STIP1: variants seen among roughly 807,000 people sequenced by gnomAD.
STIP1 encodes the protein stress-induced-phosphoprotein 1.
Under a neutral mutation model 77.4 loss-of-function variants are expected in STIP1, and 16 were observed. The ratio of observed to expected loss-of-function variants is 0.21; its 90% CI spans 0.14 to 0.31. STIP1 has a LOEUF of 0.31. STIP1 is among the 10% of genes least tolerant of loss of function. The probability of loss-of-function intolerance (pLI) is 1.00; values close to 1 mark genes in which losing one functional copy is unlikely to be tolerated. For synonymous variants in STIP1, 258 were observed against 246.6 expected (o/e 1.05, Z -0.44); for missense variants, 524 against 684.8 (o/e 0.77, Z 2.62).
chr11:64,203,876 A>G, intron 13 of STIP1, 178 bp from the exon 14 acceptor site: 1 of 829,418 alleles, frequency 1.2e-6, no homozygotes. Flanking sequence ...TGGGCTCAAG[A>G]GTAGGACTGG....
intron 1 of STIP1, among the ~76,000 whole-genome samples, chr11:64,188,742 A>G (rs1033350716): frequency 6.6e-6 from 1 of 152,234 alleles, no homozygotes; most frequent in African/African-American, 2.4e-5. Flanking sequence ...ACAGGTAGGT[A>G]GATGGTGAAT....
rs201117725 is a variant in STIP1, at chr11:64,203,187, G to A, written c.1345G>A (p.Asp449Asn). The A allele has an allele frequency of 1.1e-5, 17 of 1,614,210 alleles. No homozygotes were observed. The highest frequency in any genetic ancestry group is 1.4e-5 in the Non-Finnish European group (16 of 1,180,044). Residue 449 changes from aspartate (D) to asparagine (N), a missense_variant, in exon 12 of 14, where the codon GAT becomes AAT. Coordinates refer to ENST00000305218, the MANE Select transcript of STIP1 (RefSeq NM_006819.3). The stretch of plus-strand genomic sequence containing the variant: ...GATGAAGGACTACACCAAAGCCATG[G>A]ATGTGTACCAGAAGGCGCTAGACCT... ...EAMKDYTKAM[D>N]VYQKALDLDS... is the part of the protein sequence containing the mutation.
upstream of STIP1, chr11:64,185,994 C>A (rs1355024858): frequency 1.3e-6 from 2 of 1,542,210 alleles, no homozygotes; most frequent in Non-Finnish European, 8.7e-7. Context: ...TAGAGGAGCG[C>A]CCAATCCTGA....
chr11:64,198,004 T>A (rs1157024440), intron 8 of STIP1, 30 bp downstream of exon 8: 1 of 1,584,860 alleles, frequency 6.3e-7, no homozygotes, highest in African/African-American at 1.4e-5. Context: ...GGGTATTTTC[T>A]TGTTTTCCTA....
At chr11:64,185,786 C>T (rs1946005514), upstream of STIP1, 1 of 1,533,728 alleles carries the variant, frequency 6.5e-7, no homozygotes, top group Non-Finnish European at 8.7e-7. Context: ...CAACCCTCCG[C>T]CCAATTGGAA....
intron 1 of STIP1, among the ~76,000 whole-genome samples, chr11:64,192,790 G>A (rs1462363478): frequency 6.6e-6 from 1 of 152,246 alleles, no homozygotes; most frequent in African/African-American, 2.4e-5. Context: ...ACATTCTGGA[G>A]TGGCTTCGTG....
intron 7 of STIP1, 57 bp from the exon 8 acceptor site, chr11:64,197,797 C>G (rs1246532168): frequency 6.3e-7 from 1 of 1,588,262 alleles, no homozygotes; most frequent in Non-Finnish European, 8.6e-7. Flanking sequence ...TGTTTTTCTG[C>G]AGGAGCTGAC....
intron 1 of STIP1, among the ~76,000 whole-genome samples, chr11:64,188,037 CAAAAA>C (rs34070761): frequency 1.4e-5 from 1 of 72,182 alleles, no homozygotes; most frequent in Non-Finnish European, 2.7e-5. Context: ...GACTCCGTCT[CAAAAA>C]AAAAAAAAAA....
At position 64,204,408 on chromosome 11, in the gene STIP1, G is replaced by GTTT; in HGVS notation, c.*290_*292dup. 2.5e-6 allele frequency: 1 copy of GTTT among 399,830 alleles called. No individual in the cohort carries two copies. 24.8% of individuals were successfully genotyped at this position (399,830 alleles called of 1,614,324 possible). On this transcript the variant is annotated 3_prime_UTR_variant, in exon 14 of 14. Transcript: ENST00000305218. Reference sequence around the variant, plus strand: ...TGTCTCGGCTGCTCTCCCATAGTTGGTTTTTTTTTTATTTGGGGCAGTGGG... The same window carrying GTTT: ...TGTCTCGGCTGCTCTCCCATAGTTGGTTTTTTTTTTTTTATTTGGGGCAGTGGG...
intron 4 of STIP1, 47 bp downstream of exon 4, chr11:64,194,667 T>C (rs369595298): frequency 7.5e-6 from 12 of 1,600,572 alleles, no homozygotes; most frequent in African/African-American, 4.0e-5. Flanking sequence ...GGGAATGTTA[T>C]GCTTTCTTCC....
intron 8 of STIP1, among the ~76,000 whole-genome samples, chr11:64,199,300 C>T (rs1484876501): frequency 9.9e-5 from 15 of 151,202 alleles, no homozygotes; most frequent in Non-Finnish European, 2.2e-4. Flanking sequence ...GTCAGGAGAT[C>T]GAGACCATCC....
Position 64,194,511 on chromosome 11 carries a change from A to G in STIP1, c.394A>G (p.Asn132Asp), listed in dbSNP as rs1946126626. ...RKFMNPFNMPNLYQKLESDPR... is the reference protein window; with the variant it reads ...RKFMNPFNMPDLYQKLESDPR... ...ATTCATGAACCCTTTCAACATGCCT[A>G]ATCTGTATCAGAAGTTGGAGAGTGA... Residue 132 changes from asparagine (N) to aspartate (D), a missense_variant, in exon 4 of 14, where the codon AAT (asparagine) becomes GAT (aspartate). By Grantham distance (23) the Asn-to-Asp change is conservative. Coordinates refer to ENST00000305218, the MANE Select transcript of STIP1 (RefSeq NM_006819.3). 1.2e-6 allele frequency: 2 copies of G among 1,614,076 alleles called. No individual in the cohort carries two copies. Among genetic ancestry groups the G allele is most frequent in the East Asian group, 2.2e-5 (1 of 44,902 alleles).
intron 8 of STIP1, among the ~76,000 whole-genome samples, chr11:64,198,753 G>GTTTTTTTTTTTTTTTTTTTTTTTTTT (rs371481270): frequency 9.0e-6 from 1 of 111,058 alleles, no homozygotes. Context: ...TTTTTTTGTG[G>GTTTTTTTTTTTTTTTTTTTTTTTTTT]TTTTTTTTTT....
intron 10 of STIP1, among the ~76,000 whole-genome samples, chr11:64,200,603 G>A (rs1356029134): frequency 3.4e-5 from 4 of 117,766 alleles, no homozygotes; most frequent in Non-Finnish European, 8.7e-5. Flanking sequence ...GTGTGTGTGT[G>A]TGTGTGTGTG....
Position 64,197,412 on chromosome 11 carries a change from C to G in STIP1, c.799+15C>G, listed in dbSNP as rs774816964. ...CAATCAAGCAGGTGAGGCCCAGAAA[C>G]AAGGGGCAAGGGAATTGTTGGGTGT... On this transcript the variant is annotated intron_variant, in intron 6 of 13. Transcript: ENST00000305218. The G allele has an allele frequency of 1.5e-5, 25 of 1,613,850 alleles. 1 individual carries two copies. The South Asian group carries it at 2.2e-4, about 14-fold the overall frequency.
intron 11 of STIP1, 74 bp from the exon 12 acceptor site, chr11:64,203,051 T>C (rs948586445): frequency 7.5e-6 from 12 of 1,594,382 alleles, no homozygotes; most frequent in Non-Finnish European, 8.6e-6. Context: ...ACAGTGTTGG[T>C]GTGCAGGTGA....
At chr11:64,191,856 G>A (rs1244981051) in intron 1 of STIP1, among the ~76,000 whole-genome samples, 1 of 151,968 alleles carries the variant, frequency 6.6e-6, no homozygotes, top group African/African-American at 2.4e-5. Context: ...TTCACACTTG[G>A]AGGGTTGCAC....
At chr11:64,191,467 G>A (rs549824800) in intron 1 of STIP1, among the ~76,000 whole-genome samples, 2 of 151,982 alleles carry the variant, frequency 1.3e-5, no homozygotes, top group South Asian at 4.1e-4. Context: ...TTAGCTGGGC[G>A]TGGTGGCGGG....
chr11:64,200,084 C>T, intron 9 of STIP1, 48 bp downstream of exon 9: 1 of 1,613,564 alleles, frequency 6.2e-7, no homozygotes, highest in Non-Finnish European at 8.5e-7. Flanking sequence ...GGGTGTGCCT[C>T]CCGTGCCTGG....
Sources: gnomAD v4.1 joint callset for allele counts (sites outside exome capture counted in the v4.1 genomes callset) on GRCh38, gnomAD v4.1.1 for gene constraint, MANE v1.5 for transcripts, NCBI Gene and HGNC (gene_info 2026-07-23, HGNC 2026-07-21) for gene names.